The following FBN1 variants were observed in gnomAD, a reference collection of about 807,000 sequenced individuals.
FBN1 encodes the protein fibrillin 1, also known as fibrillin-1.
In FBN1, 29 loss-of-function variants were observed where a neutral mutation model predicts 365.1. The observed-to-expected ratio is 0.08, with a 90% CI of 0.06 to 0.11. The LOEUF (loss-of-function observed/expected upper bound fraction) is 0.11, where lower values mean the gene tolerates loss of function less well. FBN1 is among the 10% of genes least tolerant of loss of function. The pLI is 1.00. For synonymous variants in FBN1, 1,210 were observed against 1,270.5 expected (o/e 0.95, Z 1.01); for missense variants, 2,476 against 3,703.2 (o/e 0.67, Z 8.60).
intron 6 of FBN1, among the ~76,000 whole-genome samples, chr15:48,538,329 A>G (rs1283106883): frequency 6.6e-6 from 1 of 152,218 alleles, no homozygotes; most frequent in Admixed American, 6.5e-5. Context: ...TTCCTTCAAT[A>G]AAAGAAATGG....
chr15:48,551,540 T>C (rs1245484077), intron 6 of FBN1, among the ~76,000 whole-genome samples: 1 of 151,888 alleles, frequency 6.6e-6, no homozygotes, highest in African/African-American at 2.4e-5. Flanking sequence ...TAGTTTAAGT[T>C]CAGGGGTACA....
chr15:48,632,649 C>T (rs1890009047), intron 2 of FBN1, among the ~76,000 whole-genome samples: 1 of 152,156 alleles, frequency 6.6e-6, no homozygotes, highest in African/African-American at 2.4e-5. Context: ...GAAAATGACT[C>T]CTTGGTCCTT....
chr15:48,488,631 T>C, intron 25 of FBN1, 138 bp from the exon 26 acceptor site: 2 of 905,278 alleles, frequency 2.2e-6, no homozygotes. Context: ...CAAGAATGTG[T>C]GATGATCCAT....
chr15:48,424,220 A>G (rs1011673922), intron 60 of FBN1, among the ~76,000 whole-genome samples: 1 of 152,178 alleles, frequency 6.6e-6, no homozygotes, highest in Non-Finnish European at 1.5e-5. Flanking sequence ...AGGTCTCTCA[A>G]CTTCCTCTCC....
intron 32 of FBN1, among the ~76,000 whole-genome samples, chr15:48,477,464 G>A (rs2043429606): frequency 6.6e-6 from 1 of 152,180 alleles, no homozygotes. Flanking sequence ...CAATTGGAGA[G>A]ACTTCAAGTG....
At chr15:48,558,269 A>G (rs532115226) in intron 6 of FBN1, among the ~76,000 whole-genome samples, 1 of 152,326 alleles carries the variant, frequency 6.6e-6, no homozygotes, top group South Asian at 2.1e-4. Flanking sequence ...TCAGCACATA[A>G]AAAATTATAA....
At chr15:48,627,109 G>A (rs1400138743) in intron 2 of FBN1, among the ~76,000 whole-genome samples, 2 of 152,166 alleles carry the variant, frequency 1.3e-5, no homozygotes, top group South Asian at 4.1e-4. Flanking sequence ...AGATTAGAAA[G>A]ATGTTTCCAT....
chr15:48,543,977 CAT>C, intron 6 of FBN1, among the ~76,000 whole-genome samples: 1 of 151,806 alleles, frequency 6.6e-6, no homozygotes, highest in East Asian at 1.9e-4. Context: ...TCTATATACA[CAT>C]ATATACATAC....
chr15:48,438,760 C>A (rs899049471), intron 50 of FBN1, among the ~76,000 whole-genome samples: 6 of 152,150 alleles, frequency 3.9e-5, no homozygotes, highest in Non-Finnish European at 8.8e-5. Context: ...CTATAAAATT[C>A]TCCAACATTG....
At chr15:48,430,589 C>A in intron 56 of FBN1, 82 bp downstream of exon 56, 1 of 1,534,864 alleles carries the variant, frequency 6.5e-7, no homozygotes, top group Non-Finnish European at 9.0e-7. Flanking sequence ...AGAACAGTAT[C>A]CCAAGAACTC....
intron 9 of FBN1, among the ~76,000 whole-genome samples, chr15:48,524,783 C>A (rs1277938852): frequency 6.6e-6 from 1 of 152,150 alleles, no homozygotes; most frequent in Non-Finnish European, 1.5e-5. Context: ...ATCTACAATA[C>A]TGCTGTGAAA....
chr15:48,600,340 A>C, intron 4 of FBN1, 106 bp from the exon 5 acceptor site: 3 of 780,710 alleles, frequency 3.8e-6, no homozygotes, highest in Non-Finnish European at 6.7e-6. Context: ...CAAATAGCTT[A>C]TCAGGATTCA....
At chr15:48,505,830 A>G (rs1426408405) in intron 15 of FBN1, among the ~76,000 whole-genome samples, 4 of 152,214 alleles carry the variant, frequency 2.6e-5, no homozygotes, top group Non-Finnish European at 1.5e-5. Flanking sequence ...ACTTTATCGG[A>G]CACATATTAA....
At chr15:48,465,527 T>G in intron 40 of FBN1, 41 bp downstream of exon 40, 1 of 1,612,358 alleles carries the variant, frequency 6.2e-7, no homozygotes, top group East Asian at 2.2e-5. Context: ...GGTCAGTTCT[T>G]GATATCTGCA....
At chr15:48,576,281 T>C (rs528058409) in intron 6 of FBN1, among the ~76,000 whole-genome samples, 1 of 152,332 alleles carries the variant, frequency 6.6e-6, no homozygotes, top group South Asian at 2.1e-4. Context: ...TCATTTTTCA[T>C]CAACTCTTAC....
intron 55 of FBN1, among the ~76,000 whole-genome samples, chr15:48,431,747 G>A (rs1031990711): frequency 6.6e-6 from 1 of 151,810 alleles, no homozygotes. Context: ...CTCCACCTCC[G>A]GGGTTCAAGC....
intron 64 of FBN1, among the ~76,000 whole-genome samples, chr15:48,413,064 G>C (rs961414072): frequency 2.6e-5 from 4 of 152,228 alleles, no homozygotes; most frequent in Non-Finnish European, 5.9e-5. Context: ...GGAAACAAGA[G>C]AATAGTAGAT....
intron 6 of FBN1, among the ~76,000 whole-genome samples, chr15:48,540,133 C>T (rs2044046905): frequency 1.3e-5 from 2 of 152,142 alleles, no homozygotes; most frequent in African/African-American, 4.8e-5. Flanking sequence ...TTCTCCCAAA[C>T]AAATACCTAT....
chr15:48,411,647 C>T (rs571383440), intron 65 of FBN1, among the ~76,000 whole-genome samples: 1 of 152,346 alleles, frequency 6.6e-6, no homozygotes, highest in Non-Finnish European at 1.5e-5. Context: ...GAACAAGCTG[C>T]ATCAGCATCA....
Sources: allele counts gnomAD v4.1 joint callset (sites outside exome capture counted in the v4.1 genomes callset), GRCh38; gene constraint gnomAD v4.1.1; transcripts MANE v1.5; gene names NCBI Gene and HGNC (gene_info 2026-07-23, HGNC 2026-07-21).